The following CDC14B variants were observed in gnomAD, a reference collection of about 807,000 sequenced individuals.
CDC14B encodes the protein dual specificity protein phosphatase CDC14B.
CDC14B carries 22 observed loss-of-function variants against 64.2 expected under a neutral mutation model. That is an observed-to-expected ratio of 0.34 (90% CI 0.24 to 0.49). The LOEUF is 0.49. Ranked by LOEUF, CDC14B falls within the 20% of genes least tolerant of loss-of-function variation. CDC14B has a pLI of 0.99. For missense variants in CDC14B, 498 were observed against 629.9 expected, an observed-to-expected ratio of 0.79 and a Z score of 2.24; for synonymous variants, 191 against 215.8, an observed-to-expected ratio of 0.89 and a Z score of 1.01.
intron 12 of CDC14B, chr9:96,514,994 G>A: frequency 2.2e-6 from 2 of 919,462 alleles, no homozygotes; most frequent in Non-Finnish European, 2.6e-6. Flanking sequence ...ATATGGAAAT[G>A]CACCAATTTA....
chr9:96,608,892 GACACACACAC>G (rs59953256), intron 1 of CDC14B, among the ~76,000 whole-genome samples: 26 of 144,650 alleles, frequency 1.8e-4, no homozygotes, highest in Admixed American at 1.0e-3. Context: ...TTAAAACACA[GACACACACAC>G]ACACACACAC....
At chr9:96,567,822 G>A (rs749988571) in intron 1 of CDC14B, among the ~76,000 whole-genome samples, 5 of 152,088 alleles carry the variant, frequency 3.3e-5, no homozygotes, top group African/African-American at 4.8e-5. Flanking sequence ...GAGTACAACC[G>A]GAGTGTCTGT....
At chr9:96,576,018 G>A (rs1242457784) in intron 1 of CDC14B, among the ~76,000 whole-genome samples, 5 of 152,228 alleles carry the variant, frequency 3.3e-5, no homozygotes, top group African/African-American at 1.2e-4. Context: ...GCTCGCGCCT[G>A]TAATCCCAGC....
chr9:96,535,811 C>T (rs887096027), intron 7 of CDC14B, among the ~76,000 whole-genome samples: 4 of 147,470 alleles, frequency 2.7e-5, no homozygotes, highest in African/African-American at 5.4e-5. Context: ...CAGTGGCATG[C>T]ACCTGTAGTC....
intron 1 of CDC14B, among the ~76,000 whole-genome samples, chr9:96,577,647 C>A (rs1364205238): frequency 6.6e-6 from 1 of 152,150 alleles, no homozygotes; most frequent in Non-Finnish European, 1.5e-5. Flanking sequence ...GGTGCCAAGA[C>A]CCCACCGAAC....
chr9:96,564,646 C>T (rs1843671700), intron 3 of CDC14B, 131 bp downstream of exon 3: 1 of 532,192 alleles, frequency 1.9e-6, no homozygotes, highest in African/African-American at 2.0e-5. Flanking sequence ...ACAAGAAAAC[C>T]ATGTGCATGT....
At chr9:96,570,754 A>G (rs1844417560) in intron 1 of CDC14B, among the ~76,000 whole-genome samples, 1 of 152,222 alleles carries the variant, frequency 6.6e-6, no homozygotes, top group Non-Finnish European at 1.5e-5. Flanking sequence ...TATTGTATTC[A>G]GCTCATTATA....
chr9:96,514,673 G>A, intron 12 of CDC14B: 1 of 985,426 alleles, frequency 1.0e-6, no homozygotes. Flanking sequence ...AAGTCCAAGA[G>A]GAGACAAGAG....
In CDC14B at chr9:96,504,045, A is replaced by G. The variant is rs538318566; in HGVS notation, c.1461-256T>C. On this transcript the variant is annotated intron_variant, in intron 13 of 13. Transcript: ENST00000375241. ...GAAATTTAAAAAAACCAATACGAGT[A>G]AATAAAAATCATAAAAGACGGACGG... Among the ~76,000 whole-genome samples, 4 of 152,308 alleles carry G rather than the reference A, an allele frequency of 2.6e-5. No individual in the cohort carries two copies. In the East Asian group the frequency reaches 7.7e-4, roughly 29 times the overall value.
intron 5 of CDC14B, among the ~76,000 whole-genome samples, chr9:96,546,355 A>G (rs1840827796): frequency 6.6e-6 from 1 of 151,924 alleles, no homozygotes; most frequent in African/African-American, 2.4e-5. Flanking sequence ...CAAAACTGAT[A>G]GTGGTAGAAG....
At chr9:96,499,462 G>A (rs75806001), downstream of CDC14B, among the ~76,000 whole-genome samples, 1,227 of 152,314 alleles carry the variant, frequency 8.1e-3, 2 homozygotes, top group Non-Finnish European at 0.012. Context: ...TGCTGGGGCC[G>A]GTGCCGCCCG....
At chr9:96,496,510 G>C (rs1470297153), downstream of CDC14B, among the ~76,000 whole-genome samples, 1 of 152,258 alleles carries the variant, frequency 6.6e-6, no homozygotes, top group Admixed American at 6.5e-5. Context: ...TTGGGGCCCA[G>C]AACGGCCGTC....
At chr9:96,549,557 C>T (rs914242911) in intron 5 of CDC14B, among the ~76,000 whole-genome samples, 5 of 151,748 alleles carry the variant, frequency 3.3e-5, no homozygotes, top group Non-Finnish European at 7.4e-5. Context: ...CCTAGCTACT[C>T]GGGAGGCTGA....
At chr9:96,535,133 C>A (rs1448341108) in intron 7 of CDC14B, among the ~76,000 whole-genome samples, 2 of 152,128 alleles carry the variant, frequency 1.3e-5, no homozygotes, top group African/African-American at 2.4e-5. Context: ...ATGGAGAAAT[C>A]CTGCCTCTAC....
chr9:96,523,366 C>T lies in CDC14B; in HGVS notation c.1140G>A (p.Gly380=), dbSNP rs201023552. The change falls in exon 11 of 14, where the codon GGG becomes GGA. Residue 380 remains glycine, a synonymous_variant. Coordinates refer to ENST00000375241, the MANE Select transcript of CDC14B (RefSeq NM_033331.4). ...EGDYFRQKLK[G]QENGQHRAAF... ...CTGCTCTGTGTTGTCCATTCTCCTGCCCCTTTAACTTCTGACGAAAATAGT... is the reference window on the plus strand; with the variant it reads ...CTGCTCTGTGTTGTCCATTCTCCTGTCCCTTTAACTTCTGACGAAAATAGT... The T allele has an allele frequency of 1.8e-4, 289 of 1,614,006 alleles. No individual in the cohort carries two copies. Among genetic ancestry groups the T allele is most frequent in the Middle Eastern group, 8.2e-4 (5 of 6,082 alleles).
chr9:96,593,618 G>A (rs980500061), intron 1 of CDC14B, among the ~76,000 whole-genome samples: 1 of 152,030 alleles, frequency 6.6e-6, no homozygotes, highest in Non-Finnish European at 1.5e-5. Flanking sequence ...AAGGCAAGTG[G>A]ATCCTAAAGT....
intron 13 of CDC14B, among the ~76,000 whole-genome samples, chr9:96,505,152 G>A (rs1833945098): frequency 6.6e-6 from 1 of 151,080 alleles, no homozygotes; most frequent in African/African-American, 2.4e-5. Flanking sequence ...CAGCACTCCA[G>A]CCTGGGTAAC....
At chr9:96,551,584 C>G (rs1841854678) in intron 5 of CDC14B, among the ~76,000 whole-genome samples, 1 of 152,044 alleles carries the variant, frequency 6.6e-6, no homozygotes, top group Non-Finnish European at 1.5e-5. Flanking sequence ...TGGGCAGAAG[C>G]CACGGAGGCC....
At chr9:96,543,989 C>A (rs1056935403) in intron 5 of CDC14B, among the ~76,000 whole-genome samples, 7 of 152,018 alleles carry the variant, frequency 4.6e-5, no homozygotes, top group African/African-American at 1.7e-4. Flanking sequence ...GAGGCCGAGG[C>A]AGGTGGATCA....
Sources: gnomAD v4.1 joint callset for allele counts (sites outside exome capture counted in the v4.1 genomes callset) on GRCh38, gnomAD v4.1.1 for gene constraint, MANE v1.5 for transcripts, NCBI Gene and HGNC (gene_info 2026-07-23, HGNC 2026-07-21) for gene names.